Variants in MARCHF4 observed in about 807,000 individuals in gnomAD.
MARCHF4 encodes the protein E3 ubiquitin-protein ligase MARCHF4.
Under a neutral mutation model 43.9 loss-of-function variants are expected in MARCHF4, and 14 were observed. That is an observed-to-expected ratio of 0.32 (90% CI 0.21 to 0.50). The LOEUF (loss-of-function observed/expected upper bound fraction) is 0.50. Among genes scored for constraint, MARCHF4 ranks in the 20% least tolerant of loss-of-function variants. The pLI is 0.98. For synonymous variants in MARCHF4, 226 were observed against 213.3 expected, an observed-to-expected ratio of 1.06 and a Z score of -0.52; for missense variants, 468 against 536.7, an observed-to-expected ratio of 0.87 and a Z score of 1.27.
intron 1 of MARCHF4, among the ~76,000 whole-genome samples, chr2:216,354,162 C>G (rs1692445635): frequency 6.6e-6 from 1 of 152,174 alleles, no homozygotes; most frequent in Non-Finnish European, 1.5e-5. Flanking sequence ...GGAGTAAGCA[C>G]ATCTCTCCCA....
chr2:216,273,478 G>A (rs1242761608), intron 3 of MARCHF4, among the ~76,000 whole-genome samples: 1 of 152,180 alleles, frequency 6.6e-6, no homozygotes, highest in African/African-American at 2.4e-5. Flanking sequence ...CATCCGAGGA[G>A]CTTGGGCTTA....
chr2:216,294,621 G>A (rs2193747), intron 1 of MARCHF4, among the ~76,000 whole-genome samples: 25,740 of 152,108 alleles, frequency 0.17, 2,767 homozygotes, highest in African/African-American at 0.3. Context: ...CTCAGAGTTT[G>A]GCATGTGTAA....
chr2:216,335,298 A>C (rs1226508826), intron 1 of MARCHF4, among the ~76,000 whole-genome samples: 5 of 152,264 alleles, frequency 3.3e-5, no homozygotes, highest in Non-Finnish European at 7.3e-5. Context: ...TATGCCATTG[A>C]GAAATTGACA....
intron 1 of MARCHF4, among the ~76,000 whole-genome samples, chr2:216,349,860 G>A (rs1396002020): frequency 6.6e-6 from 1 of 152,136 alleles, no homozygotes; most frequent in African/African-American, 2.4e-5. Context: ...GTGAGAAGCA[G>A]CAGAGTGAAC....
rs767894408 is a variant in MARCHF4, at chr2:216,259,655, G to A, written c.890C>T (p.Ser297Leu). The A allele has an allele frequency of 1.9e-5, 30 of 1,613,972 alleles. No individual in the cohort carries two copies. The highest frequency in any genetic ancestry group is 2.4e-5 in the Non-Finnish European group (28 of 1,179,962). Residue 297 changes from serine (S) to leucine (L), a missense_variant, in exon 4 of 4, where the codon TCG becomes TTG. Ser to Leu is a moderately radical substitution (Grantham distance 145). Transcript: ENST00000273067. Reference protein sequence around the residue: ...CIGLIIHEGPSVYRIFKRWQA... With the variant: ...CIGLIIHEGPLVYRIFKRWQA... ...CCACCGTTTAAAGATGCGGTACACC[G>A]AGGGTCCTTCATGGATGATGAGACC... is the stretch of plus-strand genomic sequence containing the variant.
intron 1 of MARCHF4, among the ~76,000 whole-genome samples, chr2:216,356,633 T>C (rs1692507103): frequency 6.6e-6 from 1 of 152,250 alleles, no homozygotes; most frequent in Non-Finnish European, 1.5e-5. Context: ...ATACTGGTAA[T>C]TCACAATTAT....
intron 1 of MARCHF4, among the ~76,000 whole-genome samples, chr2:216,354,216 G>C (rs1692446405): frequency 6.6e-6 from 1 of 152,176 alleles, no homozygotes; most frequent in Admixed American, 6.5e-5. Context: ...AGCACAGAGG[G>C]CAATTTGAAA....
At chr2:216,273,942 C>A (rs1690980753) in intron 3 of MARCHF4, among the ~76,000 whole-genome samples, 1 of 152,172 alleles carries the variant, frequency 6.6e-6, no homozygotes, top group South Asian at 2.1e-4. Context: ...TTCTCCTTCT[C>A]TCAAAGCAAA....
chr2:216,354,949 T>TTC (rs1692470761), intron 1 of MARCHF4, among the ~76,000 whole-genome samples: 2 of 144,800 alleles, frequency 1.4e-5, no homozygotes, highest in African/African-American at 5.2e-5. Context: ...CTTTCTTTCT[T>TTC]TCTTTCTTTC....
At chr2:216,298,084 C>T (rs749862373) in intron 1 of MARCHF4, among the ~76,000 whole-genome samples, 9 of 152,002 alleles carry the variant, frequency 5.9e-5, no homozygotes, top group Non-Finnish European at 1.2e-4. Context: ...ATTTGGTGAC[C>T]CAACTTCATG....
rs145638154 is a variant in MARCHF4 at position 216,308,011 on chromosome 2, G to A, written c.517-24282C>T. ...TTCAAGGCTGCAGTGAGCTATGATT[G>A]AGCCACTGCACTCCAGCCTGAGTAA... On this transcript the variant is annotated intron_variant, in intron 1 of 3. Transcript: ENST00000273067. 5.3e-4 allele frequency among the ~76,000 whole-genome samples: 80 copies of A among 152,250 alleles called. No individual in the cohort carries two copies. In the East Asian group the frequency reaches 0.012, roughly 23 times the overall value.
chr2:216,322,330 G>C (rs1407247323), intron 1 of MARCHF4, among the ~76,000 whole-genome samples: 3 of 152,226 alleles, frequency 2.0e-5, no homozygotes, highest in Non-Finnish European at 4.4e-5. Flanking sequence ...GGAATAATCA[G>C]AGAATTTGAA....
In MARCHF4 at chr2:216,259,267, C is replaced by G. The variant is rs768558708; in HGVS notation, c.*45G>C. 6.6e-7 allele frequency: 1 copy of G among 1,507,664 alleles called. No homozygotes were observed. Among genetic ancestry groups the G allele is most frequent in the Non-Finnish European group, 8.9e-7 (1 of 1,129,494 alleles). The allele number at this position is 1,507,664 out of a possible 1,614,324, so 93.4% of individuals were successfully genotyped here. On this transcript the variant is annotated 3_prime_UTR_variant, in exon 4 of 4. Transcript: ENST00000273067. ...GCCACTGCACCTCCCCACCCTGCTC[C>G]GGGCCCTCAGTGGTGGTCATGGCCT...
rs746958323 is a variant in MARCHF4 at position 216,370,022 on chromosome 2, G to A, written c.239C>T (p.Pro80Leu). The A allele has an allele frequency of 7.1e-6, 11 of 1,544,846 alleles. No individual in the cohort carries two copies. The highest frequency in any genetic ancestry group is 4.1e-5 in the African/African-American group (3 of 73,142). Residue 80 changes from proline (P) to leucine (L), a missense_variant, in exon 1 of 4, where the codon CCG (proline) becomes CTG (leucine). Physicochemically the swap from Pro to Leu is moderately conservative, Grantham distance 98 (BLOSUM62 -3). This residue lies in a region of MARCHF4 where 190 missense variants were observed against 158.5 expected (regional missense o/e 1.20). Transcript: ENST00000273067. ...PPGLAANNTLPALGAGGWAGW... is the reference protein window; with the variant it reads ...PPGLAANNTLLALGAGGWAGW... ...TGCCCACCCCCCGGCGCCCAGAGCCGGAAGGGTGTTGTTGGCCGCCAAACC... is the reference window on the plus strand; with the variant it reads ...TGCCCACCCCCCGGCGCCCAGAGCCAGAAGGGTGTTGTTGGCCGCCAAACC...
chr2:216,300,779 T>C (rs537949317), intron 1 of MARCHF4, among the ~76,000 whole-genome samples: 20 of 152,296 alleles, frequency 1.3e-4, no homozygotes, highest in African/African-American at 4.8e-4. Flanking sequence ...CCTCAATTCA[T>C]TCCAATGGTC....
intron 2 of MARCHF4, among the ~76,000 whole-genome samples, chr2:216,280,104 G>T (rs1238084927): frequency 6.6e-6 from 1 of 152,056 alleles, no homozygotes; most frequent in African/African-American, 2.4e-5. Flanking sequence ...AGCAGGGTGG[G>T]GTTCTATGGA....
At chr2:216,322,702 G>T (rs935222708) in intron 1 of MARCHF4, among the ~76,000 whole-genome samples, 2 of 152,130 alleles carry the variant, frequency 1.3e-5, no homozygotes, top group African/African-American at 4.8e-5. Flanking sequence ...GGTGCCTGTA[G>T]TCCCAGCTAC....
At chr2:216,325,253 T>TAAAAGGGATGTG (rs950551297) in intron 1 of MARCHF4, among the ~76,000 whole-genome samples, 1 of 152,090 alleles carries the variant, frequency 6.6e-6, no homozygotes, top group African/African-American at 2.4e-5. Context: ...GAATCCAACT[T>TAAAAGGGATGTG]AAAAGGGATG....
chr2:216,304,437 A>T (rs1017594703), intron 1 of MARCHF4, among the ~76,000 whole-genome samples: 3 of 152,178 alleles, frequency 2.0e-5, no homozygotes, highest in Non-Finnish European at 4.4e-5. Flanking sequence ...TGACACCTAG[A>T]TCCCTCAATA....
Sources: allele counts gnomAD v4.1 joint callset (sites outside exome capture counted in the v4.1 genomes callset), GRCh38; gene constraint gnomAD v4.1.1; regional missense constraint gnomAD v4.1.1; transcripts MANE v1.5; gene names NCBI Gene and HGNC (gene_info 2026-07-23, HGNC 2026-07-21).